The following COL22A1 variants were observed in gnomAD, a reference collection of about 807,000 sequenced individuals.
COL22A1 encodes the protein collagen type XXII alpha 1 chain.
COL22A1 carries 221 observed loss-of-function variants against 248.9 expected under a neutral mutation model. The observed-to-expected ratio is 0.89, with a 90% CI of 0.80 to 0.99. The LOEUF is 0.99. COL22A1 is among the 50% of genes least tolerant of loss of function. The pLI is 0.00. For missense variants in COL22A1, 2,240 were observed against 2,179.0 expected, an observed-to-expected ratio of 1.03 and a Z score of -0.56; for synonymous variants, 891 against 793.4, an observed-to-expected ratio of 1.12 and a Z score of -2.07.
chr8:138,688,951 C>T lies in COL22A1; in HGVS notation c.2828G>A (p.Gly943Asp), dbSNP rs1826591853. ...ACGCTCCCCATCTTTCCCTGGGGTG[C>T]CTCTGAGGCCGGGAGCACCCTGTGG... ...PGSVGAPGLRGTPGKDGERGE... is the reference protein window; with the variant it reads ...PGSVGAPGLRDTPGKDGERGE... The change falls in exon 37 of 65, where the codon GGC (glycine) becomes GAC (aspartate). Residue 943 changes from glycine to aspartate, a missense_variant. Physicochemically the swap from Gly to Asp is moderately conservative, Grantham distance 94. Coordinates refer to ENST00000303045, the MANE Select transcript of COL22A1 (RefSeq NM_152888.3). 1.9e-6 allele frequency: 3 copies of T among 1,613,204 alleles called. No homozygotes were observed. Among genetic ancestry groups the T allele is most frequent in the Non-Finnish European group, 2.5e-6 (3 of 1,179,394 alleles).
chr8:138,881,318 G>A (rs1300707189), intron 2 of COL22A1, among the ~76,000 whole-genome samples: 2 of 134,524 alleles, frequency 1.5e-5, no homozygotes, highest in Admixed American at 7.5e-5. Context: ...AAAAAAGCAA[G>A]AGACAACTCT....
chr8:138,641,916 A>G (rs77940440), intron 47 of COL22A1, among the ~76,000 whole-genome samples: 2,751 of 152,320 alleles, frequency 0.018, 74 homozygotes, highest in African/African-American at 0.062. Flanking sequence ...CAGAGAGGAA[A>G]TGAAACAGTC....
At chr8:138,607,715 C>A (rs1459955680) in intron 57 of COL22A1, among the ~76,000 whole-genome samples, 1 of 152,124 alleles carries the variant, frequency 6.6e-6, no homozygotes, top group African/African-American at 2.4e-5. Flanking sequence ...ACCATAGATG[C>A]CTACGGTTAT....
chr8:138,617,141 G>T (rs1347031441), intron 53 of COL22A1, among the ~76,000 whole-genome samples, 183 bp from the exon 54 acceptor site: 3 of 152,172 alleles, frequency 2.0e-5, no homozygotes, highest in Non-Finnish European at 4.4e-5. Flanking sequence ...GATACCAAGA[G>T]CCCTTCTTCC....
chr8:138,593,878 G>T, intron 63 of COL22A1, 139 bp downstream of exon 63: 1 of 582,966 alleles, frequency 1.7e-6, no homozygotes, highest in Non-Finnish European at 2.8e-6. Context: ...AAAATTATAT[G>T]ATGCCAAAAC....
At chr8:138,606,018 T>C (rs1363167079) in intron 58 of COL22A1, among the ~76,000 whole-genome samples, 1 of 152,184 alleles carries the variant, frequency 6.6e-6, no homozygotes, top group African/African-American at 2.4e-5. Flanking sequence ...TTTGTATTTA[T>C]TGAGCACCTG....
chr8:138,794,661 T>C (rs4504669), intron 12 of COL22A1, among the ~76,000 whole-genome samples: 2,248 of 152,154 alleles, frequency 0.015, 27 homozygotes, highest in Middle Eastern at 0.027. Flanking sequence ...AAAGAAAACA[T>C]GGTATACTGA....
chr8:138,781,979 C>T (rs932506896), intron 12 of COL22A1, among the ~76,000 whole-genome samples: 3 of 152,234 alleles, frequency 2.0e-5, no homozygotes, highest in African/African-American at 7.2e-5. Flanking sequence ...CTGATTTACT[C>T]ATCATAATCC....
At chr8:138,815,405 T>C (rs1818597620) in intron 7 of COL22A1, among the ~76,000 whole-genome samples, 1 of 152,122 alleles carries the variant, frequency 6.6e-6, no homozygotes, top group Non-Finnish European at 1.5e-5. Flanking sequence ...ATCAGAGCTG[T>C]CGACAATCTC....
intron 12 of COL22A1, among the ~76,000 whole-genome samples, chr8:138,792,250 A>AATCC (rs1253631164): frequency 6.6e-6 from 1 of 152,188 alleles, no homozygotes; most frequent in Non-Finnish European, 1.5e-5. Flanking sequence ...TGTCTAGGCA[A>AATCC]ATCCCTGCCT....
At chr8:138,599,838 G>A (rs561514863) in intron 60 of COL22A1, among the ~76,000 whole-genome samples, 2 of 152,326 alleles carry the variant, frequency 1.3e-5, no homozygotes, top group East Asian at 1.9e-4. Flanking sequence ...TGTTGATTGC[G>A]GAATTCCAAT....
At chr8:138,710,627 T>C (rs1828884286) in intron 30 of COL22A1, among the ~76,000 whole-genome samples, 1 of 125,474 alleles carries the variant, frequency 8.0e-6, no homozygotes, top group Non-Finnish European at 1.7e-5. Flanking sequence ...ATATCTCCAT[T>C]TCACAGATGA....
Position 138,811,883 on chromosome 8 carries a change from G to A in COL22A1, c.1365C>T (p.Pro455=), listed in dbSNP as rs769749950. Residue 455 remains proline, a synonymous_variant, in exon 9 of 65, where the codon CCC becomes CCT. Coordinates refer to ENST00000303045, the MANE Select transcript of COL22A1 (RefSeq NM_152888.3). The part of the protein sequence containing the change: ...VTVVTEPPPP[P]PPQRPPTPGS... ...CTGGGGTGGGAGGCCGCTGGGGTGG[G>A]GGTGGAGGTGGAGGCTCTGTCACCA... The A allele has an allele frequency of 1.2e-5, 19 of 1,568,756 alleles. No homozygotes were observed. Among genetic ancestry groups the A allele is most frequent in the Admixed American group, 5.5e-5 (3 of 54,412 alleles).
At chr8:138,796,241 G>A (rs1816507929) in intron 12 of COL22A1, among the ~76,000 whole-genome samples, 1 of 151,992 alleles carries the variant, frequency 6.6e-6, no homozygotes, top group South Asian at 2.1e-4. Context: ...ATATTTTACT[G>A]CAGGTAAAAG....
intron 5 of COL22A1, among the ~76,000 whole-genome samples, chr8:138,829,412 T>G (rs1174247426): frequency 7.2e-6 from 1 of 139,300 alleles, no homozygotes; most frequent in African/African-American, 2.7e-5. Context: ...TGTTTTTTTT[T>G]TTTTTTTTTT....
chr8:138,626,089 G>T (rs191325380), intron 51 of COL22A1, 101 bp downstream of exon 51: 1 of 852,340 alleles, frequency 1.2e-6, no homozygotes, highest in Non-Finnish European at 1.8e-6. Context: ...AATTCTAGTG[G>T]CCAGGCCTTG....
intron 63 of COL22A1, 41 bp from the exon 64 acceptor site, chr8:138,591,542 G>T (rs201707687): frequency 2.1e-5 from 30 of 1,446,896 alleles, no homozygotes; most frequent in Non-Finnish European, 2.5e-5. Flanking sequence ...GGAGACCCCC[G>T]GGGAGGACAG....
intron 7 of COL22A1, among the ~76,000 whole-genome samples, chr8:138,818,285 T>TAG (rs987996927): frequency 6.6e-6 from 1 of 152,164 alleles, no homozygotes; most frequent in African/African-American, 2.4e-5. Context: ...AGTCCTAGCC[T>TAG]GGCTGCCCAA....
intron 10 of COL22A1, among the ~76,000 whole-genome samples, chr8:138,805,867 ATGG>A (rs1817556745): frequency 8.9e-6 from 1 of 112,508 alleles, no homozygotes; most frequent in African/African-American, 3.6e-5. Context: ...TGTGTGTGAG[ATGG>A]TGTGTTTGTG....
Sources: gnomAD v4.1 joint callset for allele counts (sites outside exome capture counted in the v4.1 genomes callset) on GRCh38, gnomAD v4.1.1 for gene constraint, MANE v1.5 for transcripts, NCBI Gene and HGNC (gene_info 2026-07-23, HGNC 2026-07-21) for gene names.